The following NECTIN3 variants were observed in gnomAD, a reference collection of about 807,000 sequenced individuals.
NECTIN3 encodes nectin cell adhesion molecule 3, also known as nectin-3.
In NECTIN3, 8 loss-of-function variants were observed where a neutral mutation model predicts 49.4. The observed-to-expected ratio is 0.16, with a 90% CI of 0.10 to 0.29. The LOEUF (loss-of-function observed/expected upper bound fraction) is 0.29, where lower values mean the gene tolerates loss of function less well. NECTIN3 is among the 10% of genes least tolerant of loss of function. The pLI is 1.00. For synonymous variants in NECTIN3, 277 were observed against 241.1 expected (o/e 1.15, Z -1.38); for missense variants, 581 against 654.6 (o/e 0.89, Z 1.23).
At chr3:111,140,357 CT>C (rs756223393), downstream of NECTIN3, among the ~76,000 whole-genome samples, 599 of 144,142 alleles carry the variant, frequency 4.2e-3, 6 homozygotes, top group African/African-American at 0.011. Context: ...TGCATTTGAT[CT>C]TTTTTTTTTT....
intron 7 of NECTIN3, among the ~76,000 whole-genome samples, chr3:111,156,278 C>T (rs1481713442): frequency 6.6e-6 from 1 of 151,774 alleles, no homozygotes; most frequent in Non-Finnish European, 1.5e-5. Flanking sequence ...ATTCAGATGC[C>T]TTAAATAAAA....
At chr3:111,115,360 G>A (rs1335495103) in intron 2 of NECTIN3, among the ~76,000 whole-genome samples, 1 of 152,212 alleles carries the variant, frequency 6.6e-6, no homozygotes, top group Non-Finnish European at 1.5e-5. Context: ...TAGGGAATTT[G>A]AGCTCTATAT....
chr3:111,153,140 A>T (rs926995807), intron 7 of NECTIN3, among the ~76,000 whole-genome samples: 1 of 151,952 alleles, frequency 6.6e-6, no homozygotes, highest in African/African-American at 2.4e-5. Flanking sequence ...TATTTCTAGC[A>T]TGGTTCTCCC....
At chr3:111,104,958 T>G (rs2033108234) in intron 1 of NECTIN3, among the ~76,000 whole-genome samples, 1 of 152,288 alleles carries the variant, frequency 6.6e-6, no homozygotes, top group South Asian at 2.1e-4. Context: ...AGAATTAATG[T>G]GTTAATAATG....
At chr3:111,193,540 T>G in intron 1 of NECTIN3, 1 of 806,556 alleles carries the variant, frequency 1.2e-6, no homozygotes. Context: ...AGCAAATTTC[T>G]TTTCTTCATT....
chr3:111,078,465 G>A (rs141480533), intron 1 of NECTIN3, among the ~76,000 whole-genome samples: 1 of 152,066 alleles, frequency 6.6e-6, no homozygotes, highest in African/African-American at 2.4e-5. Context: ...TAATACATTT[G>A]GGAATAGGAA....
intron 5 of NECTIN3, among the ~76,000 whole-genome samples, chr3:111,132,888 A>C (rs1361329701): frequency 6.6e-6 from 1 of 151,988 alleles, no homozygotes; most frequent in African/African-American, 2.4e-5. Context: ...ACTTTATAAC[A>C]TATTTTTACT....
chr3:111,160,566 T>C (rs1395403674), intron 7 of NECTIN3, among the ~76,000 whole-genome samples: 2 of 152,234 alleles, frequency 1.3e-5, no homozygotes, highest in Non-Finnish European at 2.9e-5. Context: ...ATATCAACTC[T>C]TTTTTACATG....
intron 7 of NECTIN3, among the ~76,000 whole-genome samples, chr3:111,166,956 TGACTGAACC>T (rs2035330106): frequency 6.6e-6 from 1 of 152,216 alleles, no homozygotes; most frequent in Non-Finnish European, 1.5e-5. Context: ...AACCCATAAG[TGACTGAACC>T]AGATGTAAAT....
intron 1 of NECTIN3, among the ~76,000 whole-genome samples, chr3:111,103,265 C>G (rs1223979277): frequency 6.6e-6 from 1 of 152,056 alleles, no homozygotes; most frequent in Non-Finnish European, 1.5e-5. Context: ...TATTCAAGAA[C>G]ATGAAATATC....
intron 3 of NECTIN3, among the ~76,000 whole-genome samples, chr3:111,120,233 T>C (rs1420769179): frequency 6.6e-6 from 1 of 152,194 alleles, no homozygotes; most frequent in African/African-American, 2.4e-5. Flanking sequence ...ATGACTGATA[T>C]TTTCAATTTG....
intron 4 of NECTIN3, among the ~76,000 whole-genome samples, 164 bp from the exon 5 acceptor site, chr3:111,126,020 A>C (rs1207557632): frequency 2.6e-5 from 4 of 152,134 alleles, no homozygotes; most frequent in African/African-American, 9.7e-5. Flanking sequence ...CATCTTTATT[A>C]AAATGAAAAT....
chr3:111,137,509 A>C lies in NECTIN3; in HGVS notation c.*3294A>C. 1.1e-6 allele frequency: 1 copy of C among 888,804 alleles called. No homozygotes were observed. The highest frequency in any genetic ancestry group is 1.3e-6 in the Non-Finnish European group (1 of 777,472). The allele number at this position is 888,804 out of a possible 1,614,324, so 55.1% of individuals were successfully genotyped here. ...ACCTGTGTATTAGGTGTTAGCCCCAATAGCCATGCATGAAATCTTTAAATA... is the reference window on the plus strand; with the variant it reads ...ACCTGTGTATTAGGTGTTAGCCCCACTAGCCATGCATGAAATCTTTAAATA... On this transcript the variant is annotated 3_prime_UTR_variant, in exon 6 of 6. Transcript: ENST00000485303.
At position 111,118,858 on chromosome 3, in the gene NECTIN3, A is replaced by G; in HGVS notation, c.705A>G (p.Pro235=). ...TTATCAGCCAGTACAAGCTATTTCC[A>G]ACCAGATTTGCTAGAGGAAGGCGAA... ...ATIISQYKLF[P]TRFARGRRIT... is the part of the protein sequence containing the mutation. The change falls in exon 3 of 6, where the codon CCA becomes CCG. Residue 235 remains proline (P), a synonymous_variant. Coordinates refer to ENST00000485303, the MANE Select transcript of NECTIN3 (RefSeq NM_015480.3). 1 of 1,614,178 alleles carries G rather than the reference A, an allele frequency of 6.2e-7. No homozygotes were observed. The highest frequency in any genetic ancestry group is 8.5e-7 in the Non-Finnish European group (1 of 1,180,032).
At position 111,112,379 on chromosome 3, in the gene NECTIN3, T is replaced by C. The variant is rs1417484896; in HGVS notation, c.502+8T>C. 1 of 1,491,234 alleles carries C rather than the reference T, an allele frequency of 6.7e-7. No homozygotes were observed. Among genetic ancestry groups the C allele is most frequent in the East Asian group, 2.3e-5 (1 of 43,292 alleles). 92.4% of individuals were successfully genotyped at this position (1,491,234 alleles called of 1,614,324 possible). On this transcript the variant is annotated splice_region_variant and intron_variant, in intron 2 of 5. Transcript: ENST00000485303. ...CAACTGTAACTGTGTTAGGTAGGTA[T>C]GCTTGAATTATGTATTTTGGTGATA...
At chr3:111,180,904 C>T (rs544396104) in intron 7 of NECTIN3, among the ~76,000 whole-genome samples, 3 of 152,162 alleles carry the variant, frequency 2.0e-5, no homozygotes, top group South Asian at 4.2e-4. Flanking sequence ...TTCTCCAAAA[C>T]GGAGTAATTA....
intron 1 of NECTIN3, among the ~76,000 whole-genome samples, chr3:111,092,204 T>C (rs1440841942): frequency 6.6e-6 from 1 of 152,216 alleles, no homozygotes; most frequent in African/African-American, 2.4e-5. Context: ...GAGACAAGTA[T>C]TTTAGGTATG....
intron 7 of NECTIN3, among the ~76,000 whole-genome samples, chr3:111,162,932 A>G (rs745617209): frequency 4.6e-5 from 7 of 152,156 alleles, no homozygotes; most frequent in African/African-American, 7.2e-5. Context: ...TTGGCTTTCT[A>G]TTGCTGTATA....
intron 2 of NECTIN3, among the ~76,000 whole-genome samples, chr3:111,118,285 A>ATATAG (rs2033793693): frequency 1.8e-5 from 1 of 55,466 alleles, no homozygotes; most frequent in Non-Finnish European, 4.7e-5. Context: ...TATATATATT[A>ATATAG]TACATATATA....
Sources: allele counts gnomAD v4.1 joint callset (sites outside exome capture counted in the v4.1 genomes callset), GRCh38; gene constraint gnomAD v4.1.1; transcripts MANE v1.5; gene names NCBI Gene and HGNC (gene_info 2026-07-23, HGNC 2026-07-21).